Variants in RP1 observed in about 807,000 individuals in gnomAD.
The protein encoded by RP1 is oxygen-regulated protein 1.
RP1 carries 16 observed loss-of-function variants against 14.8 expected under a neutral mutation model. That is an observed-to-expected ratio of 1.08 (90% CI 0.73 to 1.65). The LOEUF is 1.65. Among genes scored for constraint, RP1 ranks in the 40% most tolerant of loss-of-function variants. RP1 has a pLI of 0.00. For synonymous variants in RP1, 876 were observed against 883.6 expected, an observed-to-expected ratio of 0.99 and a Z score of 0.15; for missense variants, 2,631 against 2,535.0, an observed-to-expected ratio of 1.04 and a Z score of -0.81.
intron 3 of RP1, among the ~76,000 whole-genome samples, chr8:54,643,359 A>C (rs1330334872): frequency 6.6e-6 from 1 of 152,206 alleles, no homozygotes; most frequent in Non-Finnish European, 1.5e-5. Flanking sequence ...TCTGAAGATA[A>C]TTCCACCATT....
intron 15 of RP1, among the ~76,000 whole-genome samples, chr8:54,707,190 G>A (rs1025663969): frequency 2.0e-5 from 3 of 152,160 alleles, no homozygotes; most frequent in Non-Finnish European, 4.4e-5. Context: ...CCAGGCTGGA[G>A]TGCAGTCATG....
intron 1 of RP1, among the ~76,000 whole-genome samples, chr8:54,564,588 G>T (rs1283344809): frequency 6.6e-6 from 1 of 152,228 alleles, no homozygotes; most frequent in East Asian, 1.9e-4. Flanking sequence ...CATAGAAGCG[G>T]TGGACTCTGT....
chr8:54,701,454 A>G, intron 13 of RP1: 1 of 1,483,878 alleles, frequency 6.7e-7, no homozygotes. Context: ...TTCTGTTACT[A>G]ATTTAGAGGG....
intron 1 of RP1, among the ~76,000 whole-genome samples, chr8:54,591,703 C>T (rs1322582173): frequency 6.6e-6 from 1 of 152,038 alleles, no homozygotes; most frequent in East Asian, 1.9e-4. Context: ...TTGGGTGGGC[C>T]AATTGGACTG....
intron 1 of RP1, among the ~76,000 whole-genome samples, chr8:54,618,920 CA>C (rs1805791506): frequency 6.6e-6 from 1 of 152,228 alleles, no homozygotes; most frequent in Non-Finnish European, 1.5e-5. Context: ...CTTGGCCTCC[CA>C]AAGTGCTGGG....
chr8:54,662,405 T>A (rs1806920702), intron 6 of RP1, among the ~76,000 whole-genome samples: 1 of 152,142 alleles, frequency 6.6e-6, no homozygotes, highest in Non-Finnish European at 1.5e-5. Context: ...GCTTTGGTTA[T>A]CCTGTTGTGC....
At chr8:54,805,209 C>T (rs923011449) in intron 24 of RP1, among the ~76,000 whole-genome samples, 7 of 152,146 alleles carry the variant, frequency 4.6e-5, no homozygotes, top group African/African-American at 1.2e-4. Flanking sequence ...TCTGTCAAGA[C>T]CATTTAACTG....
intron 15 of RP1, among the ~76,000 whole-genome samples, chr8:54,719,870 T>A (rs796290164): frequency 6.6e-6 from 1 of 152,272 alleles, no homozygotes; most frequent in African/African-American, 2.4e-5. Flanking sequence ...TATACAACAC[T>A]CTCCTTAGTT....
At chr8:54,607,871 C>T (rs1805495557) in intron 1 of RP1, among the ~76,000 whole-genome samples, 1 of 152,138 alleles carries the variant, frequency 6.6e-6, no homozygotes, top group Non-Finnish European at 1.5e-5. Flanking sequence ...TCCTGGTGTG[C>T]CATTTGCTAA....
Position 54,625,129 on chromosome 8 carries a change from T to C in RP1, c.1247T>C (p.Val416Ala). Residue 416 changes from valine (V) to alanine (A), a missense_variant, in exon 4 of 4, where the codon GTG (valine) becomes GCG (alanine). Coordinates refer to ENST00000220676, the MANE Select transcript of RP1 (RefSeq NM_006269.2). ...EEINIQMTDQ[V>A]AETCSSASWE... ...ATAAACATTCAAATGACAGATCAAG[T>C]GGCTGAAACTTGCAGTTCTGCTAGT... 6.2e-7 allele frequency: 1 copy of C among 1,614,166 alleles called. No individual in the cohort carries two copies. Among genetic ancestry groups the C allele is most frequent in the Non-Finnish European group, 8.5e-7 (1 of 1,180,028 alleles).
At chr8:54,790,680 C>A (rs1321493037) in intron 24 of RP1, among the ~76,000 whole-genome samples, 1 of 151,808 alleles carries the variant, frequency 6.6e-6, no homozygotes. Context: ...AATTCTAAAG[C>A]TGAAGAATAC....
intron 24 of RP1, among the ~76,000 whole-genome samples, chr8:54,785,700 T>G (rs1273079980): frequency 6.6e-6 from 1 of 152,110 alleles, no homozygotes; most frequent in Non-Finnish European, 1.5e-5. Flanking sequence ...CATTCGATAT[T>G]ATCTGTTTTT....
At chr8:54,815,838 C>T (rs16920801) in intron 24 of RP1, among the ~76,000 whole-genome samples, 4,132 of 152,238 alleles carry the variant, frequency 0.027, 180 homozygotes, top group African/African-American at 0.094. Context: ...ATATTTGGCT[C>T]AGCTGTAGTA....
intron 8 of RP1, chr8:54,674,012 G>A: frequency 9.3e-7 from 1 of 1,074,696 alleles, no homozygotes; most frequent in Non-Finnish European, 1.3e-6. Flanking sequence ...AAAATACTGT[G>A]GAAAATTGGT....
chr8:54,626,592 C>T lies in RP1; in HGVS notation c.2710C>T (p.Pro904Ser), dbSNP rs764984653. The T allele has an allele frequency of 4.3e-6, 7 of 1,613,446 alleles. No individual in the cohort carries two copies. The South Asian group carries it at 6.6e-5, about 15-fold the overall frequency. ...SLASLKKPDF[P>S]EAIAHHSIQN... is the part of the protein sequence containing the mutation. ...AGCTTCTTTGAAAAAACCTGATTTT[C>T]CTGAGGCTATTGCTCATCATTCAAT... Residue 904 changes from proline (P) to serine (S), a missense_variant, in exon 4 of 4, where the codon CCT becomes TCT. Coordinates refer to ENST00000220676, the MANE Select transcript of RP1 (RefSeq NM_006269.2).
At chr8:54,559,983 A>AT (rs1804248926) in intron 1 of RP1, among the ~76,000 whole-genome samples, 1 of 152,234 alleles carries the variant, frequency 6.6e-6, no homozygotes, top group African/African-American at 2.4e-5. Flanking sequence ...AATTTTTCAT[A>AT]TTGTTGAGAC....
intron 9 of RP1, chr8:54,679,330 T>C: frequency 8.7e-7 from 1 of 1,150,266 alleles, no homozygotes; most frequent in Non-Finnish European, 1.2e-6. Flanking sequence ...CCTTTCCTGC[T>C]ATCTTGTATT....
chr8:54,675,019 A>G (rs1807263650), intron 8 of RP1, among the ~76,000 whole-genome samples: 1 of 152,206 alleles, frequency 6.6e-6, no homozygotes, highest in African/African-American at 2.4e-5. Flanking sequence ...GACATGTGTC[A>G]TCTTTTAGCC....
At chr8:54,870,405 G>A (rs1812562469) in exon 29 of RP1, 1 of 152,348 alleles carries the variant, frequency 6.6e-6, no homozygotes, top group Non-Finnish European at 1.5e-5. Flanking sequence ...TTTTAAAGTG[G>A]AAGTTTTATT....
Sources: gnomAD v4.1 joint callset for allele counts (sites outside exome capture counted in the v4.1 genomes callset) on GRCh38, gnomAD v4.1.1 for gene constraint, MANE v1.5 for transcripts, NCBI Gene and HGNC (gene_info 2026-07-23, HGNC 2026-07-21) for gene names.